Variants in ADAMTSL1 observed in about 807,000 individuals in gnomAD.
ADAMTSL1 encodes ADAMTS-like protein 1.
A neutral mutation model predicts 201.8 loss-of-function variants in ADAMTSL1; 126 were observed. That is an observed-to-expected ratio of 0.62 (90% CI 0.54 to 0.72). The LOEUF (loss-of-function observed/expected upper bound fraction) is 0.72. Among genes scored for constraint, ADAMTSL1 ranks in the 30% least tolerant of loss-of-function variants. The pLI is 0.00. For synonymous variants in ADAMTSL1, 1,121 were observed against 903.4 expected, an observed-to-expected ratio of 1.24 and a Z score of -4.32; for missense variants, 2,679 against 2,277.8, an observed-to-expected ratio of 1.18 and a Z score of -3.59.
intron 19 of ADAMTSL1, among the ~76,000 whole-genome samples, chr9:18,788,869 C>CT (rs147575947): frequency 0.14 from 20,328 of 141,460 alleles, 1,613 homozygotes; most frequent in Non-Finnish European, 0.2. Context: ...AGAATTCTGG[C>CT]TTTTTTTTTT....
intron 1 of ADAMTSL1, among the ~76,000 whole-genome samples, chr9:18,031,731 C>T (rs1194358463): frequency 1.3e-5 from 2 of 152,130 alleles, no homozygotes; most frequent in African/African-American, 4.8e-5. Context: ...CCATGGGGGA[C>T]CTTGTTGGGC....
intron 20 of ADAMTSL1, among the ~76,000 whole-genome samples, chr9:18,797,547 G>A (rs927328943): frequency 6.6e-6 from 1 of 152,096 alleles, no homozygotes; most frequent in African/African-American, 2.4e-5. Flanking sequence ...TACTTCAAAT[G>A]TATGCATGGA....
intron 1 of ADAMTSL1, among the ~76,000 whole-genome samples, chr9:18,071,673 A>C (rs931655887): frequency 6.6e-6 from 1 of 152,198 alleles, no homozygotes; most frequent in Admixed American, 6.5e-5. Context: ...AAGCCCAGGA[A>C]GGGAGTGTGT....
chr9:18,517,942 G>A (rs534657244), intron 2 of ADAMTSL1, among the ~76,000 whole-genome samples: 1 of 152,072 alleles, frequency 6.6e-6, no homozygotes, highest in Non-Finnish European at 1.5e-5. Context: ...CTTTATAACA[G>A]TTCCTTCTGT....
chr9:18,081,542 C>T (rs901441395), intron 1 of ADAMTSL1, among the ~76,000 whole-genome samples: 2 of 152,146 alleles, frequency 1.3e-5, no homozygotes, highest in African/African-American at 4.8e-5. Flanking sequence ...CAGGGCAATA[C>T]TTTAAAATCA....
At position 18,798,152 on chromosome 9, in the gene ADAMTSL1, G is replaced by A. The variant is rs543427512; in HGVS notation, c.3805+2628G>A. Among the ~76,000 whole-genome samples, 5 of 152,008 alleles carry A rather than the reference G, an allele frequency of 3.3e-5. No homozygotes were observed. In the South Asian group the frequency reaches 8.3e-4, roughly 25 times the overall value. On this transcript the variant is annotated intron_variant, in intron 20 of 28. Coordinates refer to ENST00000380548, the MANE Select transcript of ADAMTSL1 (RefSeq NM_001040272.6). ...ATCAAGTGTCCCCATGATTTTATAA[G>A]GAAAGTATGGACTTGTGTGTTGCCA...
chr9:18,649,641 G>T (rs79484829), intron 7 of ADAMTSL1, among the ~76,000 whole-genome samples: 1 of 152,200 alleles, frequency 6.6e-6, no homozygotes, highest in Non-Finnish European at 1.5e-5. Context: ...GTTGGAGTTT[G>T]CTAGATTTCC....
chr9:18,537,891 A>AAG (rs1819880390), intron 3 of ADAMTSL1, among the ~76,000 whole-genome samples: 1 of 148,762 alleles, frequency 6.7e-6, no homozygotes, highest in East Asian at 1.9e-4. Flanking sequence ...AAAAAAAAAA[A>AAG]AAGAAGAAAG....
At position 18,675,339 on chromosome 9, in the gene ADAMTSL1, A is replaced by G. The variant is rs146510236; in HGVS notation, c.1086-518A>G. Among the ~76,000 whole-genome samples the G allele has an allele frequency of 9.2e-5, 14 of 152,246 alleles. No individual in the cohort carries two copies. The East Asian group carries it at 2.5e-3, about 27-fold the overall frequency. On this transcript the variant is annotated intron_variant, in intron 9 of 28. Transcript: ENST00000380548. ...TGGCTACTTTCCAAGTATTAGTGAA[A>G]TCCCTAGATCTGCCAAGAGAAGAAA...
chr9:17,966,999 G>A (rs1818001752), intron 1 of ADAMTSL1, among the ~76,000 whole-genome samples: 1 of 152,054 alleles, frequency 6.6e-6, no homozygotes, highest in Admixed American at 6.6e-5. Context: ...ACAGTCCATT[G>A]TAATTTTTAT....
intron 13 of ADAMTSL1, among the ~76,000 whole-genome samples, chr9:18,704,185 T>A (rs1171547962): frequency 1.3e-5 from 2 of 152,192 alleles, no homozygotes; most frequent in African/African-American, 2.4e-5. Flanking sequence ...AAAGTTTTAT[T>A]GGAACACAGC....
chr9:18,051,193 T>G (rs893045673), intron 1 of ADAMTSL1, among the ~76,000 whole-genome samples: 4 of 152,010 alleles, frequency 2.6e-5, no homozygotes, highest in African/African-American at 9.7e-5. Flanking sequence ...CCCAGCTACT[T>G]GGGAGGCTGA....
At chr9:18,888,888 A>T (rs1829065218) in intron 24 of ADAMTSL1, among the ~76,000 whole-genome samples, 1 of 152,238 alleles carries the variant, frequency 6.6e-6, no homozygotes, top group South Asian at 2.1e-4. Context: ...AAATGTTTTC[A>T]GACAAGAAAA....
At chr9:18,386,019 T>G (rs34135634) in intron 2 of ADAMTSL1, among the ~76,000 whole-genome samples, 1 of 152,154 alleles carries the variant, frequency 6.6e-6, no homozygotes, top group Non-Finnish European at 1.5e-5. Context: ...AGTCAAAGAA[T>G]GCATAATAAA....
At chr9:18,111,758 G>A (rs867240214) in intron 1 of ADAMTSL1, among the ~76,000 whole-genome samples, 2 of 152,014 alleles carry the variant, frequency 1.3e-5, no homozygotes, top group African/African-American at 2.4e-5. Context: ...TTGGGGTCAC[G>A]GTTTTCATAA....
chr9:18,410,148 A>G (rs1455508246), intron 2 of ADAMTSL1, among the ~76,000 whole-genome samples: 2 of 151,906 alleles, frequency 1.3e-5, no homozygotes, highest in East Asian at 3.9e-4. Context: ...ATATTATTAA[A>G]CAACTCCTGG....
intron 1 of ADAMTSL1, among the ~76,000 whole-genome samples, chr9:18,474,823 T>C (rs17206601): frequency 0.08 from 12,098 of 152,148 alleles, 662 homozygotes; most frequent in Non-Finnish European, 0.12. Context: ...TGCAAGTCAT[T>C]TATGGATAGA....
At chr9:18,350,259 G>A (rs905331440) in intron 2 of ADAMTSL1, among the ~76,000 whole-genome samples, 10 of 151,968 alleles carry the variant, frequency 6.6e-5, no homozygotes, top group African/African-American at 1.7e-4. Context: ...TGTGCACCTC[G>A]GAACAATGGC....
At chr9:18,786,065 CTTTCT>C (rs1821689955) in intron 19 of ADAMTSL1, among the ~76,000 whole-genome samples, 1 of 152,200 alleles carries the variant, frequency 6.6e-6, no homozygotes, top group South Asian at 2.1e-4. Flanking sequence ...TTAAGTAAGA[CTTTCT>C]TTTCTTTTCA....
Sources: allele counts gnomAD v4.1 joint callset (sites outside exome capture counted in the v4.1 genomes callset), GRCh38; gene constraint gnomAD v4.1.1; transcripts MANE v1.5; gene names NCBI Gene and HGNC (gene_info 2026-07-23, HGNC 2026-07-21).